BRINP1: variants seen among roughly 807,000 people sequenced by gnomAD.
BRINP1 encodes the protein BMP/retinoic acid inducible neural specific 1.
Under a neutral mutation model 72.9 loss-of-function variants are expected in BRINP1, and 17 were observed. The ratio of observed to expected loss-of-function variants is 0.23; its 90% confidence interval spans 0.16 to 0.35. The LOEUF (loss-of-function observed/expected upper bound fraction) is 0.35. Ranked by LOEUF, BRINP1 falls within the 10% of genes least tolerant of loss-of-function variation. The pLI, the probability that BRINP1 is intolerant of heterozygous loss-of-function variation, is 1.00. For synonymous variants in BRINP1, 418 were observed against 378.5 expected (o/e 1.10, Z -1.21); for missense variants, 850 against 1,001.6 (o/e 0.85, Z 2.04).
At chr9:119,205,012 T>C (rs896435940) in intron 7 of BRINP1, among the ~76,000 whole-genome samples, 12 of 152,218 alleles carry the variant, frequency 7.9e-5, no homozygotes, top group African/African-American at 2.7e-4. Context: ...AGCAGACACA[T>C]TGAAACCATG....
chr9:119,365,559 G>A (rs1479057588), intron 1 of BRINP1, among the ~76,000 whole-genome samples: 2 of 152,180 alleles, frequency 1.3e-5, no homozygotes, highest in African/African-American at 4.8e-5. Context: ...GAGACAGGTT[G>A]CAAATCAAAA....
intron 7 of BRINP1, among the ~76,000 whole-genome samples, chr9:119,208,063 T>G (rs1829877282): frequency 6.6e-6 from 1 of 152,110 alleles, no homozygotes; most frequent in East Asian, 1.9e-4. Context: ...AAACCCTAAT[T>G]CTATGGAGGC....
chr9:119,283,320 G>C, intron 2 of BRINP1: 1 of 345,360 alleles, frequency 2.9e-6, no homozygotes, highest in Non-Finnish European at 4.1e-6. Context: ...CAGTGACTCA[G>C]AAACTGTGGG....
At chr9:119,339,344 G>C (rs1192787240) in intron 1 of BRINP1, among the ~76,000 whole-genome samples, 1 of 148,974 alleles carries the variant, frequency 6.7e-6, no homozygotes, top group African/African-American at 2.4e-5. Context: ...ACATTAACAT[G>C]CTTTCTTTTC....
chr9:119,275,975 C>T (rs1227196664), intron 2 of BRINP1, among the ~76,000 whole-genome samples: 2 of 152,128 alleles, frequency 1.3e-5, no homozygotes, highest in African/African-American at 4.8e-5. Flanking sequence ...CCATCCTTTC[C>T]TCACTCCTCC....
chr9:119,194,602 T>C (rs1459623938), intron 7 of BRINP1, among the ~76,000 whole-genome samples: 1 of 152,232 alleles, frequency 6.6e-6, no homozygotes, highest in African/African-American at 2.4e-5. Flanking sequence ...AAGGACTCCA[T>C]GCATCTTTAT....
At chr9:119,358,825 T>G (rs1831600156) in intron 1 of BRINP1, among the ~76,000 whole-genome samples, 1 of 152,236 alleles carries the variant, frequency 6.6e-6, no homozygotes, top group Non-Finnish European at 1.5e-5. Flanking sequence ...TCTGGCCTGT[T>G]ATAGAGAATT....
intron 2 of BRINP1, among the ~76,000 whole-genome samples, chr9:119,263,501 C>T (rs1440598907): frequency 6.6e-6 from 1 of 151,936 alleles, no homozygotes; most frequent in African/African-American, 2.4e-5. Context: ...ATTGTCCTCA[C>T]TCTCCACTAG....
intron 5 of BRINP1, among the ~76,000 whole-genome samples, chr9:119,230,040 G>A (rs1052911041): frequency 6.6e-6 from 1 of 151,956 alleles, no homozygotes; most frequent in African/African-American, 2.4e-5. Context: ...ACCATCTAAT[G>A]GCCTGGGGAG....
chr9:119,182,052 A>G (rs1418557777), intron 7 of BRINP1, among the ~76,000 whole-genome samples: 1 of 152,238 alleles, frequency 6.6e-6, no homozygotes, highest in African/African-American at 2.4e-5. Context: ...ATCAGTAATT[A>G]TAGATTTAAA....
At chr9:119,360,780 T>G (rs1453522320) in intron 1 of BRINP1, among the ~76,000 whole-genome samples, 4 of 152,216 alleles carry the variant, frequency 2.6e-5, no homozygotes, top group Non-Finnish European at 1.5e-5. Context: ...CAAGGCTAGA[T>G]AAATTATATC....
intron 2 of BRINP1, among the ~76,000 whole-genome samples, chr9:119,300,356 T>C (rs1359880183): frequency 6.6e-6 from 1 of 152,074 alleles, no homozygotes; most frequent in Non-Finnish European, 1.5e-5. Flanking sequence ...CATGTAAAAA[T>C]AACAAAAATA....
At chr9:119,170,351 C>A (rs230093) in intron 7 of BRINP1, among the ~76,000 whole-genome samples, 1 of 150,624 alleles carries the variant, frequency 6.6e-6, no homozygotes, top group African/African-American at 2.5e-5. Flanking sequence ...CCTCAGGAGC[C>A]GATGCGATCA....
At chr9:119,280,337 C>T (rs968282928) in intron 2 of BRINP1, among the ~76,000 whole-genome samples, 2 of 151,374 alleles carry the variant, frequency 1.3e-5, no homozygotes, top group African/African-American at 4.8e-5. Flanking sequence ...CTCCTGGGTT[C>T]ATACCATTCT....
intron 1 of BRINP1, among the ~76,000 whole-genome samples, chr9:119,341,373 G>A (rs191947191): frequency 1.3e-5 from 2 of 152,070 alleles, no homozygotes; most frequent in African/African-American, 4.8e-5. Context: ...TGTTCATTTG[G>A]GTGTCACGAT....
intron 2 of BRINP1, among the ~76,000 whole-genome samples, chr9:119,262,666 A>T (rs989684319): frequency 2.2e-5 from 3 of 134,104 alleles, no homozygotes; most frequent in South Asian, 2.5e-4. Flanking sequence ...AAAAAAAAAA[A>T]GCTGAAATTG....
intron 2 of BRINP1, among the ~76,000 whole-genome samples, chr9:119,310,133 C>T (rs1381410214): frequency 6.6e-6 from 1 of 152,182 alleles, no homozygotes; most frequent in Non-Finnish European, 1.5e-5. Flanking sequence ...ATGACTTCAG[C>T]TAGCACTCCT....
intron 1 of BRINP1, among the ~76,000 whole-genome samples, chr9:119,356,119 C>T (rs889942313): frequency 4.6e-5 from 7 of 150,922 alleles, no homozygotes; most frequent in African/African-American, 1.7e-4. Context: ...TTCAGTCACA[C>T]TGGTTTCTGT....
chr9:119,225,123 A>G (rs1024913953), intron 5 of BRINP1, among the ~76,000 whole-genome samples: 1 of 152,066 alleles, frequency 6.6e-6, no homozygotes, highest in Non-Finnish European at 1.5e-5. Context: ...TCAAAGGTGG[A>G]AACAACCCTA....
Sources: allele counts gnomAD v4.1 joint callset (sites outside exome capture counted in the v4.1 genomes callset), GRCh38; gene constraint gnomAD v4.1.1; transcripts MANE v1.5; gene names NCBI Gene and HGNC (gene_info 2026-07-23, HGNC 2026-07-21).